The following DHRS3 variants were observed in gnomAD, a reference collection of about 807,000 sequenced individuals.
DHRS3 encodes dehydrogenase/reductase 3.
In DHRS3, 14 loss-of-function variants were observed where a neutral mutation model predicts 27.2. The ratio of observed to expected loss-of-function variants is 0.52; its 90% CI spans 0.34 to 0.81. DHRS3 has a LOEUF of 0.81. DHRS3 is among the 30% of genes least tolerant of loss of function. DHRS3 has a pLI of 0.01. For missense variants in DHRS3, 322 were observed against 406.2 expected, an observed-to-expected ratio of 0.79 and a Z score of 1.78; for synonymous variants, 165 against 175.9, an observed-to-expected ratio of 0.94 and a Z score of 0.49.
chr1:12,569,319 CTTT>C (rs907242862), intron 5 of DHRS3, among the ~76,000 whole-genome samples: 2 of 149,856 alleles, frequency 1.3e-5, no homozygotes, highest in Non-Finnish European at 3.0e-5. Flanking sequence ...TCAGAGCAAA[CTTT>C]TTTTTTAATT....
chr1:12,585,900 A>T (rs1187692814), intron 1 of DHRS3, among the ~76,000 whole-genome samples: 1 of 152,218 alleles, frequency 6.6e-6, no homozygotes, highest in African/African-American at 2.4e-5. Context: ...GCTGCCTCTT[A>T]GTGAACTCGG....
In DHRS3 at chr1:12,593,588, A is replaced by G. The variant is rs1451417920; in HGVS notation, c.196-12922T>C. On this transcript the variant is annotated intron_variant, in intron 1 of 5. Coordinates refer to ENST00000616661, the MANE Select transcript of DHRS3 (RefSeq NM_004753.7). The surrounding 1 kb of genome is among the most constrained non-coding windows in gnomAD (Gnocchi z 4.6). ...CCCAACCCCACAAACACCAGCTCTGATTTGATTTACAAATCTACCCTTCTT... is the reference window on the plus strand; with the variant it reads ...CCCAACCCCACAAACACCAGCTCTGGTTTGATTTACAAATCTACCCTTCTT... 1.3e-5 allele frequency among the ~76,000 whole-genome samples: 2 copies of G among 152,094 alleles called. No individual in the cohort carries two copies. Among genetic ancestry groups the G allele is most frequent in the African/African-American group, 2.4e-5 (1 of 41,398 alleles).
rs185034371 is a variant in DHRS3, at chr1:12,591,634, G to A, written c.196-10968C>T. On this transcript the variant is annotated intron_variant, in intron 1 of 5. Transcript: ENST00000616661. This position sits in a 1 kb window ranked among gnomAD's most constrained non-coding sequence, Gnocchi z 4.1. Reference sequence around the variant, plus strand: ...GCCACACTGCCTCAGCATGGGTGCCGTGGGGCGTCTAGTCCTCTGTCAGCT... The same window carrying A: ...GCCACACTGCCTCAGCATGGGTGCCATGGGGCGTCTAGTCCTCTGTCAGCT... 6.8e-4 allele frequency among the ~76,000 whole-genome samples: 104 copies of A among 152,364 alleles called. 1 individual carries two copies. The highest frequency in any genetic ancestry group is 2.3e-3 in the African/African-American group (96 of 41,588).
intron 1 of DHRS3, among the ~76,000 whole-genome samples, chr1:12,601,662 T>C (rs1205421963): frequency 6.6e-6 from 1 of 152,114 alleles, no homozygotes; most frequent in Non-Finnish European, 1.5e-5. Context: ...CGGACTCCAC[T>C]AGGGGCCATC....
intron 3 of DHRS3, 98 bp downstream of exon 3, chr1:12,579,195 T>G: frequency 6.3e-7 from 1 of 1,594,358 alleles, no homozygotes; most frequent in Non-Finnish European, 8.6e-7. Flanking sequence ...ACATCCCTGC[T>G]GGCCTGAGCC....
chr1:12,575,463 A>T (rs1330853801), intron 4 of DHRS3, among the ~76,000 whole-genome samples: 1 of 152,172 alleles, frequency 6.6e-6, no homozygotes, highest in East Asian at 1.9e-4. Flanking sequence ...TAACCCTGGG[A>T]GGCTGCTAAG....
At position 12,618,166 on chromosome 1, in the gene DHRS3, C is replaced by G. The variant is rs1033788405; in HGVS notation, c.-818G>C. On this transcript the variant is annotated 5_prime_UTR_variant, in exon 1 of 6. Transcript: ENST00000616661. This position sits in a 1 kb window ranked among gnomAD's most constrained non-coding sequence, Gnocchi z 4.2. The stretch of plus-strand genomic sequence containing the variant: ...TAGCATTTATTGCCTTCTTTTTGTC[C>G]TTTCCAACTTGGAGAGGGTCCGGGT... Among the ~76,000 whole-genome samples, 1 of 152,088 alleles carries G rather than the reference C, an allele frequency of 6.6e-6. No homozygotes were observed. Among genetic ancestry groups the G allele is most frequent in the African/African-American group, 2.4e-5 (1 of 41,412 alleles).
At chr1:12,610,762 T>C (rs1480993594) in intron 1 of DHRS3, among the ~76,000 whole-genome samples, 1 of 152,216 alleles carries the variant, frequency 6.6e-6, no homozygotes, top group East Asian at 1.9e-4. Context: ...ATCCTCGTGG[T>C]TCATCTGAAT....
chr1:12,606,924 A>G (rs997336735), intron 1 of DHRS3, among the ~76,000 whole-genome samples: 8 of 152,228 alleles, frequency 5.3e-5, no homozygotes, highest in Admixed American at 1.3e-4. Context: ...ATGGCTACCA[A>G]GAGGTGGACA....
chr1:12,587,742 A>G (rs1570375398), intron 1 of DHRS3, among the ~76,000 whole-genome samples: 1 of 152,018 alleles, frequency 6.6e-6, no homozygotes, highest in Non-Finnish European at 1.5e-5. Flanking sequence ...ACAAAACAAA[A>G]CAAAACAAAA....
chr1:12,578,487 T>G lies in DHRS3; in HGVS notation c.698+231A>C, dbSNP rs1443859111. ...GCATCACCATGCCCAGCTAATTTTT[T>G]ATTTTTTTTAGACACAGGGTTTCTC... On this transcript the variant is annotated intron_variant, in intron 4 of 5. Coordinates refer to ENST00000616661, the MANE Select transcript of DHRS3 (RefSeq NM_004753.7). This position sits in a 1 kb window ranked among gnomAD's most constrained non-coding sequence, Gnocchi z 4.5. Among the ~76,000 whole-genome samples the G allele has an allele frequency of 2.6e-5, 4 of 152,196 alleles. No homozygotes were observed. Among genetic ancestry groups the G allele is most frequent in the Admixed American group, 2.0e-4 (3 of 15,274 alleles).
At chr1:12,580,433 C>G (rs2275873) in intron 2 of DHRS3, 90 bp downstream of exon 2, 72,823 of 1,585,788 alleles carry the variant, frequency 0.046, 2,202 homozygotes, top group East Asian at 0.17. Context: ...ATAAGCAGAG[C>G]TCTCTTCCAG....
At chr1:12,595,347 G>T (rs1024547470) in intron 1 of DHRS3, among the ~76,000 whole-genome samples, 6 of 152,166 alleles carry the variant, frequency 3.9e-5, no homozygotes, top group South Asian at 4.2e-4. Context: ...AGCCTCAGCG[G>T]GTCGGGCAGG....
intron 1 of DHRS3, among the ~76,000 whole-genome samples, chr1:12,601,700 A>G (rs1570394121): frequency 6.6e-6 from 1 of 152,170 alleles, no homozygotes; most frequent in East Asian, 1.9e-4. Context: ...GAAACTATCA[A>G]CCAAAAGGCA....
At position 12,594,492 on chromosome 1, in the gene DHRS3, C is replaced by A. The variant is rs1314051423; in HGVS notation, c.196-13826G>T. Among the ~76,000 whole-genome samples the A allele has an allele frequency of 6.6e-6, 1 of 152,044 alleles. No individual in the cohort carries two copies. The highest frequency in any genetic ancestry group is 1.5e-5 in the Non-Finnish European group (1 of 68,030). ...AAGTGCTAGATGTGCATGGGAGGAACACATAGCTTTGTAGGGGGTTGGAGG... is the reference window on the plus strand; with the variant it reads ...AAGTGCTAGATGTGCATGGGAGGAAAACATAGCTTTGTAGGGGGTTGGAGG... On this transcript the variant is annotated intron_variant, in intron 1 of 5. Transcript: ENST00000616661. This position sits in a 1 kb window ranked among gnomAD's most constrained non-coding sequence, Gnocchi z 4.1.
intron 2 of DHRS3, 139 bp downstream of exon 2, chr1:12,580,384 G>A: frequency 8.8e-7 from 1 of 1,140,768 alleles, no homozygotes. Flanking sequence ...AGCTTCATGG[G>A]AGAGTCCCCA....
chr1:12,589,109 A>G (rs1163087863), intron 1 of DHRS3, among the ~76,000 whole-genome samples: 3 of 152,256 alleles, frequency 2.0e-5, no homozygotes, highest in Non-Finnish European at 2.9e-5. Flanking sequence ...GAGAATGAGC[A>G]GGCAAGCAAC....
chr1:12,574,046 C>T lies in DHRS3; in HGVS notation c.699-1193G>A, dbSNP rs1300549905. On this transcript the variant is annotated intron_variant, in intron 4 of 5. Coordinates refer to ENST00000616661, the MANE Select transcript of DHRS3 (RefSeq NM_004753.7). The surrounding 1 kb of genome is among the most constrained non-coding windows in gnomAD (Gnocchi z 4.6). The stretch of plus-strand genomic sequence containing the variant: ...GGAAGATTAAGGGTGATGAATCACC[C>T]AGGTTTGATGTCATTCCTCAGCAAC... Among the ~76,000 whole-genome samples, 1 of 152,200 alleles carries T rather than the reference C, an allele frequency of 6.6e-6. No individual in the cohort carries two copies. Among genetic ancestry groups the T allele is most frequent in the Non-Finnish European group, 1.5e-5 (1 of 68,032 alleles).
intron 4 of DHRS3, among the ~76,000 whole-genome samples, chr1:12,575,526 A>C (rs1235614682): frequency 6.6e-6 from 1 of 152,002 alleles, no homozygotes. Flanking sequence ...TCTTTTAGGA[A>C]ATGGGAGTTG....
Sources: gnomAD v4.1 joint callset for allele counts (sites outside exome capture counted in the v4.1 genomes callset) on GRCh38, gnomAD v4.1.1 for gene constraint, Gnocchi (gnomAD v3.1) non-coding constraint, MANE v1.5 for transcripts, NCBI Gene and HGNC (gene_info 2026-07-23, HGNC 2026-07-21) for gene names.